The following DPCD variants were observed in gnomAD, a reference collection of about 807,000 sequenced individuals.
DPCD encodes deleted in primary ciliary dyskinesia homolog (mouse).
Under a neutral mutation model 26.4 loss-of-function variants are expected in DPCD, and 20 were observed. The ratio of observed to expected loss-of-function variants is 0.76; its 90% CI spans 0.53 to 1.10. The LOEUF (loss-of-function observed/expected upper bound fraction) is 1.10. DPCD is among the 50% of genes least tolerant of loss of function. DPCD has a pLI of 0.00. For missense variants in DPCD, 202 were observed against 253.9 expected, an observed-to-expected ratio of 0.80 and a Z score of 1.39; for synonymous variants, 97 against 94.2, an observed-to-expected ratio of 1.03 and a Z score of -0.17.
Position 101,603,901 on chromosome 10 carries a change from T to C in DPCD, c.404+2565T>C, listed in dbSNP as rs1050034976. On this transcript the variant is annotated intron_variant, in intron 4 of 5. Coordinates refer to ENST00000370151, the MANE Select transcript of DPCD (RefSeq NM_015448.3). The surrounding 1 kb of genome is among the most constrained non-coding windows in gnomAD (Gnocchi z 4.6). ...CTGAGAAGCTGGGACTATAGGCGCA[T>C]ACCACCCAATCTGGCCAAGTTTAAA... Among the ~76,000 whole-genome samples the C allele has an allele frequency of 6.6e-6, 1 of 152,194 alleles. No homozygotes were observed. The highest frequency in any genetic ancestry group is 2.4e-5 in the African/African-American group (1 of 41,456).
intron 2 of DPCD, among the ~76,000 whole-genome samples, chr10:101,595,084 T>C (rs1189247850): frequency 6.6e-6 from 1 of 152,178 alleles, no homozygotes; most frequent in Admixed American, 6.5e-5. Context: ...ACTTTCACAA[T>C]TTGTTTTTCC....
rs768809497 is a variant in DPCD, at chr10:101,609,516, A to C, written c.*45A>C. 4.5e-5 allele frequency: 71 copies of C among 1,569,198 alleles called. 1 individual carries two copies. In the South Asian group the frequency reaches 8.0e-4, roughly 18 times the overall value. On this transcript the variant is annotated 3_prime_UTR_variant, in exon 6 of 6. Transcript: ENST00000370151. The stretch of plus-strand genomic sequence containing the variant: ...CCTCCACCACAGGGGGTGCCGTGAG[A>C]CTTCAAGGCTTGGCCCTTCTTGACC...
At chr10:101,604,820 T>C (rs1330029630) in intron 4 of DPCD, among the ~76,000 whole-genome samples, 1 of 152,196 alleles carries the variant, frequency 6.6e-6, no homozygotes, top group Non-Finnish European at 1.5e-5. Flanking sequence ...ATCATATATG[T>C]ACAGGCCAGC....
intron 4 of DPCD, among the ~76,000 whole-genome samples, chr10:101,602,144 A>G (rs1022693765): frequency 6.6e-6 from 1 of 152,250 alleles, no homozygotes; most frequent in Non-Finnish European, 1.5e-5. Flanking sequence ...AACTCCCACA[A>G]AATAGATTTG....
chr10:101,603,805 C>A lies in DPCD; in HGVS notation c.404+2469C>A, dbSNP rs1341262166. On this transcript the variant is annotated intron_variant, in intron 4 of 5. Transcript: ENST00000370151. The surrounding 1 kb of genome is among the most constrained non-coding windows in gnomAD (Gnocchi z 4.6). ...CTTGCCCTATTGCCCAGGCTAGAGT[C>A]CACTTCTTGCAATCATAGCTCACTG... 2.0e-5 allele frequency among the ~76,000 whole-genome samples: 3 copies of A among 152,110 alleles called. No individual in the cohort carries two copies. Among genetic ancestry groups the A allele is most frequent in the African/African-American group, 7.2e-5 (3 of 41,400 alleles).
chr10:101,595,079 C>G (rs2134759353), intron 2 of DPCD, among the ~76,000 whole-genome samples: 1 of 152,258 alleles, frequency 6.6e-6, no homozygotes, highest in Non-Finnish European at 1.5e-5. Context: ...GGCAGACTTT[C>G]ACAATTTGTT....
At chr10:101,602,961 A>G (rs1463318960) in intron 4 of DPCD, among the ~76,000 whole-genome samples, 1 of 152,254 alleles carries the variant, frequency 6.6e-6, no homozygotes, top group African/African-American at 2.4e-5. Flanking sequence ...ACATCCAGCC[A>G]TAGGTGGCGC....
Position 101,600,697 on chromosome 10 carries a change from TGATGCTTGCTTCTCATCCC to T in DPCD, c.146-26_146-8del, listed in dbSNP as rs570528685. 6.7e-3 allele frequency: 10,739 copies of T among 1,601,906 alleles called. 84 individuals are homozygous for T. Among genetic ancestry groups the T allele is most frequent in the Middle Eastern group, 0.027 (159 of 5,992 alleles). ...AGAGACCCTCTCTTCACTCTCATCC[TGATGCTTGCTTCTCATCCC>T]GATGCTTGCTTCTCTCCCCAGTGAG... On this transcript the variant is annotated intron_variant, in intron 2 of 5. Coordinates refer to ENST00000370151, the MANE Select transcript of DPCD (RefSeq NM_015448.3). This position sits in a 1 kb window ranked among gnomAD's most constrained non-coding sequence, Gnocchi z 4.7.
intron 4 of DPCD, among the ~76,000 whole-genome samples, chr10:101,604,761 A>G (rs1364762169): frequency 2.0e-5 from 3 of 152,194 alleles, no homozygotes; most frequent in Non-Finnish European, 2.9e-5. Context: ...TTCCTCATCT[A>G]TCAGAGAAGA....
chr10:101,601,243 G>C lies in DPCD; in HGVS notation c.311G>C (p.Trp104Ser). The C allele has an allele frequency of 6.2e-7, 1 of 1,613,720 alleles. No individual in the cohort carries two copies. The highest frequency in any genetic ancestry group is 8.5e-7 in the Non-Finnish European group (1 of 1,179,918). ...AAGGACACCAAGATGAGTTTCCAGT[G>C]GCGGATTCGAAACCTCCCCTATCCT... Reference protein sequence around the residue: ...MRKDTKMSFQWRIRNLPYPKD... With the variant: ...MRKDTKMSFQSRIRNLPYPKD... The change falls in exon 4 of 6, where the codon TGG becomes TCG. Residue 104 changes from tryptophan (W) to serine (S), a missense_variant. By Grantham distance (177) the Trp-to-Ser change is radical. Around this residue, in one of 3 missense-constraint regions of DPCD, gnomAD observed 118 missense variants for 145.1 expected, o/e 0.81. Coordinates refer to ENST00000370151, the MANE Select transcript of DPCD (RefSeq NM_015448.3).
chr10:101,597,922 A>C (rs968885526), intron 2 of DPCD, among the ~76,000 whole-genome samples: 7 of 152,234 alleles, frequency 4.6e-5, no homozygotes, highest in African/African-American at 1.7e-4. Context: ...TCTTATCTCT[A>C]GAGGGAATGG....
At position 101,600,474 on chromosome 10, in the gene DPCD, C is replaced by T. The variant is rs1189019997; in HGVS notation, c.146-264C>T. On this transcript the variant is annotated intron_variant, in intron 2 of 5. Transcript: ENST00000370151. This position sits in a 1 kb window ranked among gnomAD's most constrained non-coding sequence, Gnocchi z 4.7. ...TGACTCCACTTGGCTCTTCTCAGAGCTTCATTCCAGTTCCTTTTGCCTGAG... is the reference window on the plus strand; with the variant it reads ...TGACTCCACTTGGCTCTTCTCAGAGTTTCATTCCAGTTCCTTTTGCCTGAG... Among the ~76,000 whole-genome samples, 1 of 152,192 alleles carries T rather than the reference C, an allele frequency of 6.6e-6. No individual in the cohort carries two copies. The highest frequency in any genetic ancestry group is 1.5e-5 in the Non-Finnish European group (1 of 68,038).
Position 101,594,674 on chromosome 10 carries a change from C to G in DPCD, c.81C>G (p.His27Gln). 1 of 1,614,192 alleles carries G rather than the reference C, an allele frequency of 6.2e-7. No individual in the cohort carries two copies. Among genetic ancestry groups the G allele is most frequent in the Non-Finnish European group, 8.5e-7 (1 of 1,180,016 alleles). ...ALLQDGRRKVHYLFPDGKEMA... is the reference protein window; with the variant it reads ...ALLQDGRRKVQYLFPDGKEMA... ...TGTGCATAGGGAGAAGGAAGGTTCA[C>G]TATTTATTCCCAGACGGCAAGGAAA... The change falls in exon 2 of 6, where the codon CAC (histidine) becomes CAG (glutamine). Residue 27 changes from histidine (H) to glutamine (Q), a missense_variant. Physicochemically the swap from His to Gln is conservative, Grantham distance 24. Around this residue, in one of 3 missense-constraint regions of DPCD, gnomAD observed 47 missense variants for 32.8 expected, o/e 1.43. Coordinates refer to ENST00000370151, the MANE Select transcript of DPCD (RefSeq NM_015448.3).
At chr10:101,607,449 T>G (rs1383194805) in intron 4 of DPCD, among the ~76,000 whole-genome samples, 2 of 152,178 alleles carry the variant, frequency 1.3e-5, no homozygotes, top group African/African-American at 4.8e-5. Flanking sequence ...CCCACTCCTT[T>G]TGAACTGTCA....
rs2063683435 is a variant in DPCD, at chr10:101,600,302, CTTAA to C, written c.146-432_146-429del. ...AGACCTGCCGAACAGCTTTCACCCT[CTTAA>C]TTATTTTTTCCTCTGCATGTTTTTG... On this transcript the variant is annotated intron_variant, in intron 2 of 5. Coordinates refer to ENST00000370151, the MANE Select transcript of DPCD (RefSeq NM_015448.3). This position sits in a 1 kb window ranked among gnomAD's most constrained non-coding sequence, Gnocchi z 4.7. Among the ~76,000 whole-genome samples the C allele has an allele frequency of 6.6e-6, 1 of 152,240 alleles. No individual in the cohort carries two copies. The highest frequency in any genetic ancestry group is 1.9e-4 in the East Asian group (1 of 5,176).
At chr10:101,602,035 A>C (rs1335646951) in intron 4 of DPCD, among the ~76,000 whole-genome samples, 1 of 152,202 alleles carries the variant, frequency 6.6e-6, no homozygotes, top group Non-Finnish European at 1.5e-5. Context: ...TGGAGCCCTG[A>C]CTGATCACAG....
chr10:101,601,405 G>A (rs779424796), intron 4 of DPCD, 69 bp downstream of exon 4: 391 of 1,494,390 alleles, frequency 2.6e-4, no homozygotes, highest in Non-Finnish European at 3.3e-4. Flanking sequence ...TTGATCTGGC[G>A]TTAGGATCAT....
intron 2 of DPCD, among the ~76,000 whole-genome samples, chr10:101,597,778 GC>G (rs1161751367): frequency 6.6e-6 from 1 of 152,216 alleles, no homozygotes; most frequent in Non-Finnish European, 1.5e-5. Context: ...TGCCGCAGGA[GC>G]CGTCCTTGAG....
chr10:101,603,778 G>A lies in DPCD; in HGVS notation c.404+2442G>A, dbSNP rs1251396758. Among the ~76,000 whole-genome samples, 1 of 151,974 alleles carries A rather than the reference G, an allele frequency of 6.6e-6. No individual in the cohort carries two copies. The highest frequency in any genetic ancestry group is 1.5e-5 in the Non-Finnish European group (1 of 67,986). On this transcript the variant is annotated intron_variant, in intron 4 of 5. Transcript: ENST00000370151. This position sits in a 1 kb window ranked among gnomAD's most constrained non-coding sequence, Gnocchi z 4.6. ...TCTCAAAAAAAAAAAAAGAGATGGA[G>A]TCTTGCCCTATTGCCCAGGCTAGAG...
Sources: allele counts gnomAD v4.1 joint callset (sites outside exome capture counted in the v4.1 genomes callset), GRCh38; gene constraint gnomAD v4.1.1; regional missense constraint gnomAD v4.1.1; non-coding constraint Gnocchi (gnomAD v3.1); transcripts MANE v1.5; gene names NCBI Gene and HGNC (gene_info 2026-07-23, HGNC 2026-07-21).